The following LRCH1 variants were observed in gnomAD, a reference collection of about 807,000 sequenced individuals.
LRCH1 encodes leucine-rich repeat and calponin homology domain-containing protein 1.
A neutral mutation model predicts 94.9 loss-of-function variants in LRCH1; 23 were observed. That is an observed-to-expected ratio of 0.24 (90% CI 0.17 to 0.34). The LOEUF is 0.34. Among genes scored for constraint, LRCH1 ranks in the 10% least tolerant of loss-of-function variants. The pLI is 1.00. For missense variants in LRCH1, 790 were observed against 945.9 expected, an observed-to-expected ratio of 0.84 and a Z score of 2.16; for synonymous variants, 364 against 354.9, an observed-to-expected ratio of 1.03 and a Z score of -0.29.
At chr13:46,612,530 C>T (rs982958436) in intron 1 of LRCH1, among the ~76,000 whole-genome samples, 4 of 152,146 alleles carry the variant, frequency 2.6e-5, no homozygotes, top group African/African-American at 9.7e-5. Flanking sequence ...GAATCTCCTG[C>T]CTCTTTGGGG....
rs960794885 is a variant in LRCH1, at chr13:46,553,659, G to T, written c.263G>T (p.Arg88Leu). The T allele has an allele frequency of 1.2e-6, 2 of 1,609,034 alleles. No homozygotes were observed. The highest frequency in any genetic ancestry group is 2.2e-5 in the East Asian group (1 of 44,680). The change falls in exon 1 of 20, where the codon CGT becomes CTT. Residue 88 changes from arginine to leucine, a missense_variant. By Grantham distance (102) the Arg-to-Leu change is moderately radical (BLOSUM62 -2). This residue lies in a region of LRCH1 where 136 missense variants were observed against 143.5 expected (regional missense o/e 0.95). Coordinates refer to ENST00000389797, the MANE Select transcript of LRCH1 (RefSeq NM_001164211.2). ...LSARKLKEFP[R>L]TAAPGHDLSD... The stretch of plus-strand genomic sequence containing the variant: ...GCCAGGAAATTGAAGGAATTTCCCC[G>T]TACCGCAGCCCCCGGGCACGACCTC...
chr13:46,616,800 G>C (rs1303322625), intron 1 of LRCH1, among the ~76,000 whole-genome samples: 1 of 152,252 alleles, frequency 6.6e-6, no homozygotes, highest in African/African-American at 2.4e-5. Context: ...AGTCCGAAAA[G>C]AGAGTCAGCA....
Position 46,743,345 on chromosome 13 carries a change from A to G in LRCH1, c.*1497A>G. On this transcript the variant is annotated 3_prime_UTR_variant, in exon 20 of 20. Transcript: ENST00000389797. ...CAGATCAGATTTGCTAACAGGAAGC[A>G]TTCTTTACATGACAGTATCTTGAGT... 1.0e-6 allele frequency: 1 copy of G among 985,900 alleles called. No homozygotes were observed. Among genetic ancestry groups the G allele is most frequent in the African/African-American group, 1.7e-5 (1 of 57,372 alleles). The allele number at this position is 985,900 out of a possible 1,614,324, so 61.1% of individuals were successfully genotyped here.
intron 2 of LRCH1, among the ~76,000 whole-genome samples, chr13:46,657,453 C>G (rs1312272412): frequency 1.5e-5 from 2 of 131,870 alleles, no homozygotes; most frequent in African/African-American, 5.6e-5. Context: ...ACCACCACCA[C>G]TTTTTTTCTT....
chr13:46,597,361 C>CT (rs767264011), intron 1 of LRCH1, among the ~76,000 whole-genome samples: 390 of 143,544 alleles, frequency 2.7e-3, no homozygotes, highest in Middle Eastern at 0.011. Context: ...TCCAGTAGGA[C>CT]TTTTTTTTTT....
At chr13:46,626,369 G>A (rs7318686) in intron 1 of LRCH1, among the ~76,000 whole-genome samples, 125,800 of 152,140 alleles carry the variant, frequency 0.83, 52,418 homozygotes, top group African/African-American at 0.92. Flanking sequence ...AGATCCACAA[G>A]AGAAGTAAAA....
chr13:46,713,510 T>G (rs1872174484), intron 15 of LRCH1, among the ~76,000 whole-genome samples: 1 of 152,220 alleles, frequency 6.6e-6, no homozygotes, highest in Non-Finnish European at 1.5e-5. Context: ...ATAAAGGAAA[T>G]GTTTTTCATT....
intron 1 of LRCH1, among the ~76,000 whole-genome samples, chr13:46,623,693 G>GTT (rs5803361): frequency 0.64 from 81,595 of 128,186 alleles, 25,422 homozygotes; most frequent in Middle Eastern, 0.7. Context: ...CCCTGTCTCT[G>GTT]TTTTTTTTTT....
At chr13:46,687,765 A>G in intron 5 of LRCH1, 87 bp from the exon 6 acceptor site, 1 of 1,121,596 alleles carries the variant, frequency 8.9e-7, no homozygotes, top group South Asian at 1.9e-5. Context: ...AAACTGGGAA[A>G]ATTGAAATAT....
In LRCH1 at chr13:46,635,626, A is replaced by G. The variant is rs184592122; in HGVS notation, c.308-14575A>G. The stretch of plus-strand genomic sequence containing the variant: ...GCTGGGACTACAAGTACCCGCCACC[A>G]CGCCCAGCTAATTGTTTTGTATTTT... On this transcript the variant is annotated intron_variant, in intron 1 of 19. Transcript: ENST00000389797. Among the ~76,000 whole-genome samples, 567 of 151,984 alleles carry G rather than the reference A, an allele frequency of 3.7e-3. 7 individuals are homozygous for G. Among genetic ancestry groups the G allele is most frequent in the African/African-American group, 0.012 (502 of 41,438 alleles).
chr13:46,609,296 C>CA (rs2050721260), intron 1 of LRCH1, among the ~76,000 whole-genome samples: 1 of 152,188 alleles, frequency 6.6e-6, no homozygotes, highest in Non-Finnish European at 1.5e-5. Context: ...TTGCCTTGAA[C>CA]AAAGCATCTA....
intron 1 of LRCH1, among the ~76,000 whole-genome samples, chr13:46,622,309 C>T (rs1197123452): frequency 6.6e-6 from 1 of 151,966 alleles, no homozygotes; most frequent in Non-Finnish European, 1.5e-5. Context: ...CACTAGAACC[C>T]TGCAAAGGAA....
chr13:46,597,910 A>G (rs181510179), intron 1 of LRCH1, among the ~76,000 whole-genome samples: 45 of 152,300 alleles, frequency 3.0e-4, no homozygotes, highest in Non-Finnish European at 5.4e-4. Context: ...TGTTTCCCCC[A>G]GAAGCTAAGG....
intron 5 of LRCH1, 104 bp downstream of exon 5, chr13:46,686,145 A>G: frequency 8.6e-7 from 1 of 1,167,660 alleles, no homozygotes. Context: ...AAAATCACTA[A>G]TCACTGGCAA....
chr13:46,660,801 T>C (rs554309178), intron 2 of LRCH1, among the ~76,000 whole-genome samples: 1 of 152,340 alleles, frequency 6.6e-6, no homozygotes, highest in South Asian at 2.1e-4. Flanking sequence ...AAATATGTTC[T>C]TTATCCCTTT....
chr13:46,743,235 A>G lies in LRCH1; in HGVS notation c.*1387A>G. 1 of 985,788 alleles carries G rather than the reference A, an allele frequency of 1.0e-6. No individual in the cohort carries two copies. Among genetic ancestry groups the G allele is most frequent in the Non-Finnish European group, 1.2e-6 (1 of 829,850 alleles). 61.1% of individuals were successfully genotyped at this position (985,788 alleles called of 1,614,324 possible). On this transcript the variant is annotated 3_prime_UTR_variant, in exon 20 of 20. Transcript: ENST00000389797. ...CGAAGAAAATCTTATTTTTCTGAAC[A>G]TTTTCATGAATCCAGGGGACTTGAA...
intron 1 of LRCH1, among the ~76,000 whole-genome samples, chr13:46,630,899 C>T (rs374191400): frequency 2.6e-5 from 4 of 152,274 alleles, no homozygotes; most frequent in South Asian, 4.1e-4. Context: ...ATCTGCTTTT[C>T]ACTTTGATTT....
At chr13:46,722,569 A>G (rs573200045) in intron 16 of LRCH1, among the ~76,000 whole-genome samples, 1 of 152,284 alleles carries the variant, frequency 6.6e-6, no homozygotes, top group African/African-American at 2.4e-5. Context: ...CTATTCTTGG[A>G]AGTCGTAACT....
chr13:46,740,517 G>C (rs1014360448), intron 19 of LRCH1, among the ~76,000 whole-genome samples: 1 of 152,186 alleles, frequency 6.6e-6, no homozygotes, highest in Non-Finnish European at 1.5e-5. Flanking sequence ...ATGATGTGCA[G>C]CTGCTTAGCA....
Sources: allele counts gnomAD v4.1 joint callset (sites outside exome capture counted in the v4.1 genomes callset), GRCh38; gene constraint gnomAD v4.1.1; regional missense constraint gnomAD v4.1.1; transcripts MANE v1.5; gene names NCBI Gene and HGNC (gene_info 2026-07-23, HGNC 2026-07-21).